Variants in CLCN1 observed in about 807,000 individuals in gnomAD.
The protein encoded by CLCN1 is chloride voltage-gated channel 1.
In CLCN1, 100 loss-of-function variants were observed where a neutral mutation model predicts 114.5. The observed-to-expected ratio is 0.87, with a 90% CI of 0.74 to 1.03. The LOEUF (loss-of-function observed/expected upper bound fraction) is 1.03. Ranked by LOEUF, CLCN1 falls within the 50% of genes least tolerant of loss-of-function variation. The pLI is 0.00. For missense variants in CLCN1, 1,188 were observed against 1,250.0 expected (o/e 0.95, Z 0.75); for synonymous variants, 485 against 487.1 (o/e 1.00, Z 0.06).
At chr7:143,346,434 C>T in intron 18 of CLCN1, 145 bp from the exon 19 acceptor site, 1 of 768,436 alleles carries the variant, frequency 1.3e-6, no homozygotes, top group Non-Finnish European at 2.3e-6. Context: ...GGAGTGGGAG[C>T]AGAGGGTGAT....
At chr7:143,342,554 G>C in intron 16 of CLCN1, 49 bp downstream of exon 16, 1 of 1,605,936 alleles carries the variant, frequency 6.2e-7, no homozygotes, top group Non-Finnish European at 8.5e-7. Context: ...CCTGAATAAG[G>C]GTCACATAGA....
chr7:143,331,681 C>T (rs765761016), intron 10 of CLCN1, 29 bp downstream of exon 10: 2 of 1,489,240 alleles, frequency 1.3e-6, no homozygotes, highest in Non-Finnish European at 1.9e-6. Flanking sequence ...TTTGCCCTAC[C>T]CATTTACTTT....
chr7:143,326,127 A>G (rs1586491086), intron 7 of CLCN1, among the ~76,000 whole-genome samples: 2 of 151,842 alleles, frequency 1.3e-5, no homozygotes, highest in East Asian at 3.9e-4. Context: ...AGCAATTCTC[A>G]TGCCTCAGTC....
At chr7:143,330,656 A>G (rs940340636) in intron 7 of CLCN1, 116 bp from the exon 8 acceptor site, 2 of 1,350,660 alleles carry the variant, frequency 1.5e-6, no homozygotes, top group Admixed American at 1.8e-5. Flanking sequence ...ACTTTCCACT[A>G]CTGCTTCCAC....
intron 2 of CLCN1, 119 bp from the exon 3 acceptor site, chr7:143,320,545 A>C: frequency 7.1e-4 from 510 of 717,526 alleles, no homozygotes; most frequent in Non-Finnish European, 9.6e-4. Flanking sequence ...GTGACTCGTT[A>C]GCTGCTTTTC....
rs997772494 is a variant in CLCN1, at chr7:143,345,125, A to G, written c.1931-396A>G. 2.0e-5 allele frequency among the ~76,000 whole-genome samples: 3 copies of G among 152,254 alleles called. No individual in the cohort carries two copies. In the South Asian group the frequency reaches 6.2e-4, roughly 32 times the overall value. On this transcript the variant is annotated intron_variant, in intron 16 of 22. Transcript: ENST00000343257. ...TTTCCCTTTTTCCAGGGAGAGATATAATGTTTGTATTGCTTATAGACTTCT... is the reference window on the plus strand; with the variant it reads ...TTTCCCTTTTTCCAGGGAGAGATATGATGTTTGTATTGCTTATAGACTTCT...
chr7:143,347,437 G>A (rs1191594986), intron 20 of CLCN1, among the ~76,000 whole-genome samples: 4 of 151,444 alleles, frequency 2.6e-5, no homozygotes, highest in Non-Finnish European at 4.4e-5. Flanking sequence ...CCTGGCCAAC[G>A]TGGTGAAACT....
At position 143,321,500 on chromosome 7, in the gene CLCN1, A is replaced by G; in HGVS notation, c.562+7A>G. On this transcript the variant is annotated splice_region_variant and intron_variant, in intron 4 of 22. Coordinates refer to ENST00000343257, the MANE Select transcript of CLCN1 (RefSeq NM_000083.3). The surrounding 1 kb of genome is among the most constrained non-coding windows in gnomAD (Gnocchi z 4.2). ...ATCTCTCCCCAGGCTGTTGGTGAGAACTTGCCACCAGACTCGGCCTGAGCT... is the reference window on the plus strand; with the variant it reads ...ATCTCTCCCCAGGCTGTTGGTGAGAGCTTGCCACCAGACTCGGCCTGAGCT... 1 of 1,613,998 alleles carries G rather than the reference A, an allele frequency of 6.2e-7. No homozygotes were observed. The highest frequency in any genetic ancestry group is 1.1e-5 in the South Asian group (1 of 91,078).
At position 143,342,129 on chromosome 7, in the gene CLCN1, T is replaced by G. The variant is rs1023118080; in HGVS notation, c.1783T>G (p.Trp595Gly). 2 of 1,614,046 alleles carry G rather than the reference T, an allele frequency of 1.2e-6. No individual in the cohort carries two copies. The highest frequency in any genetic ancestry group is 1.3e-5 in the African/African-American group (1 of 74,942). ...KKLPYLPDLG[W>G]NQLSKYTIFV... The stretch of plus-strand genomic sequence containing the variant: ...GCTACCCTACTTGCCTGACCTTGGC[T>G]GGAACCAGCTCAGGTCAGGGGCACT... Residue 595 changes from tryptophan (W) to glycine (G), a missense_variant, in exon 15 of 23, where the codon TGG becomes GGG. Trp to Gly is a radical substitution (Grantham distance 184). Transcript: ENST00000343257.
chr7:143,339,780 ACT>A lies in CLCN1; in HGVS notation c.1582+163_1582+164del, dbSNP rs1803030420. ...CTCAGATAACATACCCATGGCTCTGACTCTCATTATTTCTTACTGAACTTCCG... is the reference window on the plus strand; with the variant it reads ...CTCAGATAACATACCCATGGCTCTGACTCATTATTTCTTACTGAACTTCCG... On this transcript the variant is annotated intron_variant, in intron 14 of 22. Coordinates refer to ENST00000343257, the MANE Select transcript of CLCN1 (RefSeq NM_000083.3). This position sits in a 1 kb window ranked among gnomAD's most constrained non-coding sequence, Gnocchi z 4.1. Among the ~76,000 whole-genome samples the A allele has an allele frequency of 6.6e-6, 1 of 151,956 alleles. No homozygotes were observed. Among genetic ancestry groups the A allele is most frequent in the Non-Finnish European group, 1.5e-5 (1 of 68,000 alleles).
At chr7:143,337,998 T>C (rs1802957930) in intron 12 of CLCN1, among the ~76,000 whole-genome samples, 1 of 150,590 alleles carries the variant, frequency 6.6e-6, no homozygotes, top group African/African-American at 2.4e-5. Flanking sequence ...GGCTAATTTA[T>C]TTTTTATTTT....
rs1803216040 is a variant in CLCN1 at position 143,345,636 on chromosome 7, G to C, written c.2046G>C (p.Ser682=). The change falls in exon 17 of 23, where the codon TCG becomes TCC. Residue 682 remains serine (S), a synonymous_variant. Transcript: ENST00000343257. ...RAAQEMARKL[S]ELPYDGKARL... Reference sequence around the variant, plus strand: ...CCCAAGAGATGGCGCGGAAGTTGTCGGAGCTGCCTTACGACGGGAAGGCGC... The same window carrying C: ...CCCAAGAGATGGCGCGGAAGTTGTCCGAGCTGCCTTACGACGGGAAGGCGC... The C allele has an allele frequency of 1.0e-5, 16 of 1,563,996 alleles. No individual in the cohort carries two copies. The highest frequency in any genetic ancestry group is 2.4e-5 in the East Asian group (1 of 41,896).
chr7:143,327,002 C>T (rs1398442172), intron 7 of CLCN1, among the ~76,000 whole-genome samples: 1 of 152,118 alleles, frequency 6.6e-6, no homozygotes, highest in African/African-American at 2.4e-5. Flanking sequence ...AATCCCAGCA[C>T]TTTGGGAGGC....
At chr7:143,323,761 A>G in intron 6 of CLCN1, 1 of 483,870 alleles carries the variant, frequency 2.1e-6, no homozygotes, top group South Asian at 1.5e-5. Context: ...TACCTCTTAC[A>G]TACGTCCCGC....
At chr7:143,319,705 T>C (rs1181241951) in intron 1 of CLCN1, 50 bp from the exon 2 acceptor site, 5 of 1,598,276 alleles carry the variant, frequency 3.1e-6, no homozygotes, top group Non-Finnish European at 4.3e-6. Context: ...CTGTCTATTA[T>C]TTTTTTAGTC....
intron 17 of CLCN1, 128 bp from the exon 18 acceptor site, chr7:143,346,012 A>G (rs1341330687): frequency 1.2e-6 from 1 of 817,822 alleles, no homozygotes; most frequent in Non-Finnish European, 2.1e-6. Context: ...ATTCAAAGGG[A>G]TATAGGAATT....
At chr7:143,323,730 G>T in intron 6 of CLCN1, 1 of 503,844 alleles carries the variant, frequency 2.0e-6, no homozygotes, top group Non-Finnish European at 4.0e-6. Context: ...CCATCCCTTT[G>T]TAGCTCCCAA....
chr7:143,323,744 C>G, intron 6 of CLCN1: 1 of 494,508 alleles, frequency 2.0e-6, no homozygotes, highest in Non-Finnish European at 4.1e-6. Context: ...CTCCCAATCC[C>G]TCACCCTACC....
chr7:143,346,695 G>A (rs754744109), intron 19 of CLCN1, 37 bp downstream of exon 19: 2 of 1,549,114 alleles, frequency 1.3e-6, no homozygotes, highest in African/African-American at 1.4e-5. Context: ...AGGGGAAAGG[G>A]AGCCTGCCCT....
Sources: gnomAD v4.1 joint callset for allele counts (sites outside exome capture counted in the v4.1 genomes callset) on GRCh38, gnomAD v4.1.1 for gene constraint, Gnocchi (gnomAD v3.1) non-coding constraint, MANE v1.5 for transcripts, NCBI Gene and HGNC (gene_info 2026-07-23, HGNC 2026-07-21) for gene names.